POU2F3: variants seen among roughly 807,000 people sequenced by gnomAD.
POU2F3 encodes POU class 2 homeobox 3, also known as POU domain, class 2, transcription factor 3.
POU2F3 carries 23 observed loss-of-function variants against 59.2 expected under a neutral mutation model. That is an observed-to-expected ratio of 0.39 (90% CI 0.28 to 0.55). The LOEUF (loss-of-function observed/expected upper bound fraction) is 0.55, where lower values mean the gene tolerates loss of function less well. POU2F3 is among the 20% of genes least tolerant of loss of function. The pLI is 0.66. For missense variants in POU2F3, 473 were observed against 544.5 expected (o/e 0.87, Z 1.31); for synonymous variants, 190 against 214.6 (o/e 0.89, Z 1.00).
rs145287198 is a variant in POU2F3, at chr11:120,310,571, A to G, written c.1068+985A>G. The stretch of plus-strand genomic sequence containing the variant: ...TTAGGGGGCAGGAAATACCTTCTCC[A>G]TGCAGGGAGAAATGGTATCTGGAGG... On this transcript the variant is annotated intron_variant, in intron 10 of 12. Transcript: ENST00000543440. Among the ~76,000 whole-genome samples, 785 of 152,292 alleles carry G rather than the reference A, an allele frequency of 5.2e-3. 7 individuals are homozygous for G. Among genetic ancestry groups the G allele is most frequent in the African/African-American group, 0.018 (733 of 41,544 alleles).
chr11:120,244,838 C>T (rs879546100), intron 1 of POU2F3, among the ~76,000 whole-genome samples: 3 of 151,732 alleles, frequency 2.0e-5, no homozygotes, highest in Non-Finnish European at 4.4e-5. Context: ...CTGGGCGGTC[C>T]ATAGTAGTTA....
At chr11:120,301,991 G>T in intron 5 of POU2F3, 1 of 302,916 alleles carries the variant, frequency 3.3e-6, no homozygotes. Context: ...AGAGTAGATC[G>T]TCTTGACCCT....
chr11:120,317,413 A>G, intron 12 of POU2F3, 49 bp downstream of exon 12: 1 of 1,606,898 alleles, frequency 6.2e-7, no homozygotes, highest in Non-Finnish European at 8.5e-7. Context: ...GCCAAGGGAC[A>G]TGTGAGAAGC....
At chr11:120,268,530 A>G (rs1000187813) in intron 2 of POU2F3, among the ~76,000 whole-genome samples, 4 of 152,052 alleles carry the variant, frequency 2.6e-5, no homozygotes, top group Non-Finnish European at 5.9e-5. Flanking sequence ...TTTAGTAGCA[A>G]TGGGGTCTCA....
At chr11:120,252,287 A>G (rs1207876029) in intron 2 of POU2F3, among the ~76,000 whole-genome samples, 2 of 145,640 alleles carry the variant, frequency 1.4e-5, no homozygotes, top group Non-Finnish European at 3.0e-5. Flanking sequence ...GCTCACTGCA[A>G]CCTCCGCCTC....
chr11:120,270,250 A>G (rs552390256), intron 3 of POU2F3, among the ~76,000 whole-genome samples: 3 of 152,290 alleles, frequency 2.0e-5, no homozygotes, highest in Non-Finnish European at 4.4e-5. Context: ...AAATTAGGAC[A>G]TGGTCTCTGC....
chr11:120,316,381 G>A (rs1941789063), intron 11 of POU2F3, among the ~76,000 whole-genome samples: 1 of 152,212 alleles, frequency 6.6e-6, no homozygotes, highest in South Asian at 2.1e-4. Context: ...TGGGGACCAA[G>A]ACAGGGCTCA....
intron 2 of POU2F3, among the ~76,000 whole-genome samples, chr11:120,262,010 T>C (rs530170454): frequency 1.3e-4 from 20 of 152,282 alleles, no homozygotes; most frequent in Admixed American, 1.3e-3. Context: ...GAGGCCTGCT[T>C]CCCCACAGCT....
intron 1 of POU2F3, among the ~76,000 whole-genome samples, chr11:120,244,449 G>A (rs1046427526): frequency 2.0e-5 from 3 of 152,180 alleles, no homozygotes; most frequent in African/African-American, 7.2e-5. Flanking sequence ...CCTGGGAAGT[G>A]TATATCATTA....
intron 2 of POU2F3, chr11:120,249,961 T>A (rs1367512666): frequency 6.6e-6 from 1 of 152,170 alleles, no homozygotes; most frequent in East Asian, 1.9e-4. Context: ...TTATCCTAGG[T>A]CTGCCATTAA....
At chr11:120,264,851 G>A (rs966544394) in intron 2 of POU2F3, among the ~76,000 whole-genome samples, 12 of 152,196 alleles carry the variant, frequency 7.9e-5, no homozygotes, top group Non-Finnish European at 1.5e-4. Context: ...TCTTACAGGA[G>A]TAGAAAAGTT....
chr11:120,241,406 C>G (rs1938657881), intron 1 of POU2F3, among the ~76,000 whole-genome samples: 1 of 152,168 alleles, frequency 6.6e-6, no homozygotes, highest in African/African-American at 2.4e-5. Flanking sequence ...AAACAAGCGT[C>G]AGTGAGTGCC....
chr11:120,262,455 T>C (rs1394575500), intron 2 of POU2F3, among the ~76,000 whole-genome samples: 1 of 152,236 alleles, frequency 6.6e-6, no homozygotes, highest in Non-Finnish European at 1.5e-5. Context: ...ATTACTGGAA[T>C]ATTTTCTTTT....
intron 3 of POU2F3, among the ~76,000 whole-genome samples, chr11:120,276,413 A>G (rs917004987): frequency 2.0e-5 from 3 of 152,104 alleles, no homozygotes; most frequent in South Asian, 2.1e-4. Flanking sequence ...GCCTCAGGGT[A>G]GTGGGTCCAA....
chr11:120,236,952 G>T (rs1375845373), upstream of POU2F3, among the ~76,000 whole-genome samples: 1 of 152,158 alleles, frequency 6.6e-6, no homozygotes, highest in Admixed American at 6.5e-5. Context: ...CTCCTTGTGG[G>T]CCTCAGGTCC....
intron 2 of POU2F3, among the ~76,000 whole-genome samples, chr11:120,254,488 T>C (rs1289818808): frequency 6.6e-6 from 1 of 151,062 alleles, no homozygotes; most frequent in Non-Finnish European, 1.5e-5. Flanking sequence ...TTGTTATGGG[T>C]CTGTGGAGAC....
intron 5 of POU2F3, chr11:120,300,799 C>T: frequency 3.3e-6 from 1 of 305,156 alleles, no homozygotes; most frequent in Non-Finnish European, 6.4e-6. Flanking sequence ...TATAAACTCT[C>T]TCCTGTTGCA....
At chr11:120,288,127 C>CAAAAAAA (rs1491240764) in intron 3 of POU2F3, among the ~76,000 whole-genome samples, 5 of 7,628 alleles carry the variant, frequency 6.6e-4, no homozygotes, top group African/African-American at 1.0e-3. Flanking sequence ...AACAAAAAAA[C>CAAAAAAA]CAAAAAAAAA....
At chr11:120,244,130 C>T (rs550219943) in intron 1 of POU2F3, among the ~76,000 whole-genome samples, 15 of 152,176 alleles carry the variant, frequency 9.9e-5, no homozygotes, top group African/African-American at 3.4e-4. Flanking sequence ...ATCATCCCAG[C>T]GTCACTGCCT....
Sources: allele counts gnomAD v4.1 joint callset (sites outside exome capture counted in the v4.1 genomes callset), GRCh38; gene constraint gnomAD v4.1.1; transcripts MANE v1.5; gene names NCBI Gene and HGNC (gene_info 2026-07-23, HGNC 2026-07-21).